Variants in ZNF609 observed in about 807,000 individuals in gnomAD.
The protein encoded by ZNF609 is zinc finger protein 609.
ZNF609 carries 11 observed loss-of-function variants against 109.5 expected under a neutral mutation model. The ratio of observed to expected loss-of-function variants is 0.10; its 90% CI spans 0.06 to 0.17. ZNF609 has a LOEUF of 0.17. ZNF609 is among the 10% of genes least tolerant of loss of function. ZNF609 has a pLI of 1.00. For synonymous variants in ZNF609, 646 were observed against 662.0 expected, an observed-to-expected ratio of 0.98 and a Z score of 0.37; for missense variants, 1,559 against 1,772.4, an observed-to-expected ratio of 0.88 and a Z score of 2.16.
At chr15:64,471,101 C>T (rs571059599) in intron 1 of ZNF609, among the ~76,000 whole-genome samples, 1 of 152,198 alleles carries the variant, frequency 6.6e-6, no homozygotes, top group South Asian at 2.1e-4. Context: ...GTGGCTCACA[C>T]CTGTAATTCC....
chr15:64,615,772 C>G (rs1056591821), intron 2 of ZNF609, among the ~76,000 whole-genome samples: 2 of 152,214 alleles, frequency 1.3e-5, no homozygotes, highest in Non-Finnish European at 2.9e-5. Flanking sequence ...TAGGCGTGAG[C>G]CACTGTGCCC....
chr15:64,576,510 T>C (rs1397349669), intron 2 of ZNF609, among the ~76,000 whole-genome samples: 1 of 151,620 alleles, frequency 6.6e-6, no homozygotes, highest in Non-Finnish European at 1.5e-5. Flanking sequence ...GGGGCTAAAA[T>C]AAACTTGCAA....
chr15:64,582,340 C>T lies in ZNF609; in HGVS notation c.748-40487C>T, dbSNP rs368403326. 2.0e-5 allele frequency among the ~76,000 whole-genome samples: 3 copies of T among 152,254 alleles called. No homozygotes were observed. The East Asian group carries it at 5.8e-4, about 29-fold the overall frequency. ...CCCTAGATCTAGTCAATTAGAGCTA[C>T]ATCTCCTCTGTTATTTCAGTATCAA... On this transcript the variant is annotated intron_variant, in intron 2 of 9. Coordinates refer to ENST00000326648, the MANE Select transcript of ZNF609 (RefSeq NM_015042.2).
chr15:64,545,422 C>T (rs1894341270), intron 2 of ZNF609, among the ~76,000 whole-genome samples: 1 of 152,180 alleles, frequency 6.6e-6, no homozygotes, highest in African/African-American at 2.4e-5. Context: ...TGGACTTGAA[C>T]TCCTGAGCTC....
At chr15:64,500,335 G>A in intron 2 of ZNF609, 169 bp downstream of exon 2, 1 of 958,772 alleles carries the variant, frequency 1.0e-6, no homozygotes, top group South Asian at 1.4e-5. Flanking sequence ...CCAAATTAGA[G>A]GATTCCCCTA....
chr15:64,480,490 C>T (rs1893237262), intron 1 of ZNF609, among the ~76,000 whole-genome samples: 1 of 151,506 alleles, frequency 6.6e-6, no homozygotes, highest in African/African-American at 2.4e-5. Context: ...GAGATTCCAC[C>T]ACTGCACTCC....
chr15:64,667,813 G>A (rs886498405), intron 3 of ZNF609, among the ~76,000 whole-genome samples: 17 of 152,186 alleles, frequency 1.1e-4, no homozygotes, highest in African/African-American at 2.2e-4. Context: ...AAGAGTAGTC[G>A]TGAGAGGTGA....
intron 1 of ZNF609, among the ~76,000 whole-genome samples, chr15:64,475,763 C>T (rs910798634): frequency 6.6e-6 from 1 of 152,120 alleles, no homozygotes; most frequent in African/African-American, 2.4e-5. Context: ...CGTGAGATAC[C>T]TGTGTCTCCT....
intron 2 of ZNF609, among the ~76,000 whole-genome samples, chr15:64,594,212 T>G (rs183799146): frequency 7.3e-4 from 111 of 152,390 alleles, no homozygotes; most frequent in African/African-American, 2.5e-3. Flanking sequence ...AAGGCAGTTT[T>G]CTGCAGAAAA....
At chr15:64,525,367 C>T (rs1172100752) in intron 2 of ZNF609, among the ~76,000 whole-genome samples, 1 of 152,122 alleles carries the variant, frequency 6.6e-6, no homozygotes, top group Admixed American at 6.5e-5. Context: ...TCTTGACACC[C>T]TTGTTGAAAA....
intron 2 of ZNF609, among the ~76,000 whole-genome samples, chr15:64,557,950 C>T (rs1894617565): frequency 6.6e-6 from 1 of 152,126 alleles, no homozygotes; most frequent in African/African-American, 2.4e-5. Context: ...TCCCAAAGTG[C>T]TGGGATTACA....
chr15:64,532,420 C>T (rs1249364670), intron 2 of ZNF609, among the ~76,000 whole-genome samples: 2 of 152,124 alleles, frequency 1.3e-5, no homozygotes, highest in Admixed American at 6.6e-5. Flanking sequence ...TTCTCAAGCA[C>T]CTATAATAGT....
At chr15:64,664,246 A>T (rs2141006827) in intron 3 of ZNF609, among the ~76,000 whole-genome samples, 1 of 152,100 alleles carries the variant, frequency 6.6e-6, no homozygotes, top group East Asian at 1.9e-4. Flanking sequence ...TAATAATAAT[A>T]ACTAGGGGAA....
chr15:64,475,099 T>G (rs1264453517), intron 1 of ZNF609, among the ~76,000 whole-genome samples: 1 of 1,168 alleles, frequency 8.6e-4, no homozygotes. Context: ...AGTTTATCCT[T>G]TTTTTTTTTT....
chr15:64,496,549 C>T (rs921759246), intron 1 of ZNF609, among the ~76,000 whole-genome samples: 4 of 152,186 alleles, frequency 2.6e-5, no homozygotes, highest in African/African-American at 9.7e-5. Flanking sequence ...CCTAGAGATG[C>T]CCTCTGCCCC....
At chr15:64,614,262 G>A (rs1161011504) in intron 2 of ZNF609, among the ~76,000 whole-genome samples, 7 of 143,482 alleles carry the variant, frequency 4.9e-5, no homozygotes, top group African/African-American at 7.8e-5. Context: ...ACGGAGTCTT[G>A]CTCTGTCGCC....
chr15:64,561,249 T>A (rs549631355), intron 2 of ZNF609, among the ~76,000 whole-genome samples: 7 of 152,330 alleles, frequency 4.6e-5, no homozygotes, highest in Admixed American at 4.6e-4. Context: ...GTTTTATTTT[T>A]ATAACAGCAC....
At chr15:64,635,445 G>A (rs1379230791) in intron 3 of ZNF609, among the ~76,000 whole-genome samples, 2 of 152,144 alleles carry the variant, frequency 1.3e-5, no homozygotes, top group African/African-American at 4.8e-5. Flanking sequence ...TAATAAGGTC[G>A]TTTGACTATC....
chr15:64,676,440 AT>A (rs111824351), intron 5 of ZNF609, among the ~76,000 whole-genome samples, 184 bp downstream of exon 5: 14,945 of 151,712 alleles, frequency 0.099, 963 homozygotes, highest in African/African-American at 0.18. Flanking sequence ...TAGTATTATT[AT>A]TTTTTTTGAG....
Sources: allele counts gnomAD v4.1 joint callset (sites outside exome capture counted in the v4.1 genomes callset), GRCh38; gene constraint gnomAD v4.1.1; transcripts MANE v1.5; gene names NCBI Gene and HGNC (gene_info 2026-07-23, HGNC 2026-07-21).